The following C2orf49 variants were observed in gnomAD, a reference collection of about 807,000 sequenced individuals.
C2orf49 encodes the protein tRNA-splicing ligase complex subunit ASW.
A neutral mutation model predicts 20.6 loss-of-function variants in C2orf49; 11 were observed. The ratio of observed to expected loss-of-function variants is 0.53; its 90% confidence interval spans 0.34 to 0.88. The LOEUF (loss-of-function observed/expected upper bound fraction) is 0.88. C2orf49 is among the 40% of genes least tolerant of loss of function. C2orf49 has a pLI of 0.02. For synonymous variants in C2orf49, 134 were observed against 108.5 expected, an observed-to-expected ratio of 1.24 and a Z score of -1.46; for missense variants, 289 against 274.2, an observed-to-expected ratio of 1.05 and a Z score of -0.38.
the C2orf49 span, chr2:105,378,501 C>T: frequency 2.0e-5 from 4 of 199,572 alleles, no homozygotes; most frequent in East Asian, 4.4e-4. Flanking sequence ...AGAGTGGACA[C>T]CTGAAAGTGC....
chr2:105,362,168 C>T, the C2orf49 span, among the ~76,000 whole-genome samples: 1 of 152,188 alleles, frequency 6.6e-6, no homozygotes, highest in Non-Finnish European at 1.5e-5. Flanking sequence ...CTGCTGAAAA[C>T]AGCATTAAAG....
At chr2:105,357,751 T>G in the C2orf49 span, 2 of 152,156 alleles carry the variant, frequency 1.3e-5, no homozygotes, top group Admixed American at 1.3e-4. Context: ...GTTGGTTGAA[T>G]CCACAGATGA....
the C2orf49 span, among the ~76,000 whole-genome samples, chr2:105,369,191 A>G: frequency 6.6e-6 from 1 of 152,176 alleles, no homozygotes; most frequent in South Asian, 2.1e-4. Context: ...GGGTCAGGGA[A>G]TGATGGGGAA....
At chr2:105,385,309 C>T in the C2orf49 span, among the ~76,000 whole-genome samples, 11 of 152,136 alleles carry the variant, frequency 7.2e-5, no homozygotes, top group Non-Finnish European at 5.9e-5. Flanking sequence ...CCTGTCTTTC[C>T]TAAGAATGAT....
the C2orf49 span, among the ~76,000 whole-genome samples, chr2:105,356,973 G>T: frequency 3.3e-5 from 5 of 151,978 alleles, no homozygotes; most frequent in African/African-American, 1.2e-4. Context: ...GTCTCACTAT[G>T]TTGTACAGGC....
chr2:105,381,880 C>A, the C2orf49 span, among the ~76,000 whole-genome samples: 1 of 152,022 alleles, frequency 6.6e-6, no homozygotes, highest in East Asian at 1.9e-4. Flanking sequence ...GGTGCTCTTC[C>A]CAGAAAAGGG....
chr2:105,345,429 A>G lies in C2orf49; in HGVS notation c.*58A>G, dbSNP rs1031336896. ...ACTGTAGTTTTTCAAATATGTTCAT[A>G]TATATTGACAATATTTACAGAAATC... On this transcript the variant is annotated 3_prime_UTR_variant, in exon 4 of 4. Coordinates refer to ENST00000258457, the MANE Select transcript of C2orf49 (RefSeq NM_024093.3). 1.6e-6 allele frequency: 2 copies of G among 1,252,018 alleles called. No individual in the cohort carries two copies. Among genetic ancestry groups the G allele is most frequent in the East Asian group, 2.4e-5 (1 of 42,318 alleles). 77.6% of individuals were successfully genotyped at this position (1,252,018 alleles called of 1,614,324 possible).
At chr2:105,384,622 C>T in the C2orf49 span, among the ~76,000 whole-genome samples, 1 of 152,186 alleles carries the variant, frequency 6.6e-6, no homozygotes, top group African/African-American at 2.4e-5. Flanking sequence ...ATTCTCGTGC[C>T]TCAGCCTCTC....
chr2:105,367,535 A>C, the C2orf49 span: 2 of 1,572,114 alleles, frequency 1.3e-6, 1 homozygote, highest in South Asian at 2.4e-5. Flanking sequence ...CAAACCAGCC[A>C]GAACGTGCAA....
chr2:105,356,488 TC>T, the C2orf49 span, among the ~76,000 whole-genome samples: 2 of 152,014 alleles, frequency 1.3e-5, no homozygotes, highest in Admixed American at 6.6e-5. Context: ...GGTGGGAAGA[TC>T]ACTTGAGCCC....
Position 105,345,242 on chromosome 2 carries a change from G to C in C2orf49, c.643-73G>C, listed in dbSNP as rs1385037292. The C allele has an allele frequency of 1.0e-5, 14 of 1,340,860 alleles. No individual in the cohort carries two copies. In the Admixed American group the frequency reaches 2.8e-4, roughly 26 times the overall value. 83.1% of individuals were successfully genotyped at this position (1,340,860 alleles called of 1,614,324 possible). A position where few individuals can be genotyped will look rare whatever the true frequency, so the allele number is the denominator to read the frequency against. ...AATACATTAATAGTAAACCTTGGTT[G>C]TTTGAAATGTTCATTTTAGTTGTTT... On this transcript the variant is annotated intron_variant, in intron 3 of 3. Coordinates refer to ENST00000258457, the MANE Select transcript of C2orf49 (RefSeq NM_024093.3).
intron 3 of C2orf49, among the ~76,000 whole-genome samples, chr2:105,344,255 A>G (rs1276156889): frequency 1.3e-5 from 2 of 152,206 alleles, no homozygotes; most frequent in African/African-American, 4.8e-5. Flanking sequence ...TTTGGAGGCC[A>G]TGCTTCGTCC....
rs774775469 is a variant in C2orf49, at chr2:105,337,581, G to A, written c.-7G>A. The A allele has an allele frequency of 1.9e-6, 3 of 1,613,350 alleles. No homozygotes were observed. Among genetic ancestry groups the A allele is most frequent in the Non-Finnish European group, 2.5e-6 (3 of 1,179,944 alleles). On this transcript the variant is annotated 5_prime_UTR_variant, in exon 1 of 4. Coordinates refer to ENST00000258457, the MANE Select transcript of C2orf49 (RefSeq NM_024093.3). ...GGGTAGCCGACTGGGGTCTCCTGGC[G>A]ACGACCATGGCGGGGGATGTGGGCG...
the C2orf49 span, among the ~76,000 whole-genome samples, chr2:105,362,115 T>C: frequency 3.3e-5 from 5 of 152,204 alleles, no homozygotes; most frequent in Non-Finnish European, 7.3e-5. Flanking sequence ...TTGTATCACT[T>C]TATAAAGCTT....
downstream of C2orf49, among the ~76,000 whole-genome samples, chr2:105,351,389 C>A (rs748191982): frequency 7.2e-6 from 1 of 138,474 alleles, no homozygotes; most frequent in African/African-American, 2.7e-5. Flanking sequence ...AACAAACTCA[C>A]TTAAGGAATG....
the C2orf49 span, chr2:105,373,866 T>A: frequency 2.7e-6 from 2 of 746,630 alleles, no homozygotes; most frequent in African/African-American, 1.7e-5. Flanking sequence ...CGCACCCACA[T>A]TCATGCCCCA....
At chr2:105,383,832 C>T in the C2orf49 span, among the ~76,000 whole-genome samples, 3 of 152,224 alleles carry the variant, frequency 2.0e-5, no homozygotes, top group Non-Finnish European at 2.9e-5. Context: ...TCAAAAGCCC[C>T]AAATGCCAAG....
the C2orf49 span, among the ~76,000 whole-genome samples, chr2:105,362,593 A>T: frequency 1.3e-5 from 2 of 152,110 alleles, no homozygotes; most frequent in African/African-American, 4.8e-5. Context: ...ACATCATAAA[A>T]CTTCTCCTGT....
the C2orf49 span, among the ~76,000 whole-genome samples, chr2:105,370,555 C>CCA: frequency 6.6e-6 from 1 of 152,088 alleles, no homozygotes. Context: ...CCTGATTGGT[C>CCA]ATCAGGAAAC....
Sources: gnomAD v4.1 joint callset for allele counts (sites outside exome capture counted in the v4.1 genomes callset) on GRCh38, gnomAD v4.1.1 for gene constraint, MANE v1.5 for transcripts, NCBI Gene and HGNC (gene_info 2026-07-23, HGNC 2026-07-21) for gene names.